The following TXNL1 variants were observed in gnomAD, a reference collection of about 807,000 sequenced individuals.
TXNL1 encodes the protein thioredoxin-like protein 1.
A neutral mutation model predicts 35.5 loss-of-function variants in TXNL1; 14 were observed. The ratio of observed to expected loss-of-function variants is 0.39; its 90% CI spans 0.26 to 0.62. The LOEUF (loss-of-function observed/expected upper bound fraction) is 0.62, where lower values mean the gene tolerates loss of function less well. TXNL1 is among the 20% of genes least tolerant of loss of function. The probability of loss-of-function intolerance (pLI) is 0.47; values close to 1 mark genes in which losing one functional copy is unlikely to be tolerated. For synonymous variants in TXNL1, 110 were observed against 115.5 expected (o/e 0.95, Z 0.31); for missense variants, 263 against 349.7 (o/e 0.75, Z 1.98).
Position 56,602,377 on chromosome 18 carries a change from A to C in TXNL1, c.*650T>G, listed in dbSNP as rs568429855. 1 of 76,464 alleles carries C rather than the reference A, an allele frequency of 1.3e-5. No individual in the cohort carries two copies. Among genetic ancestry groups the C allele is most frequent in the East Asian group, 4.0e-4 (1 of 2,520 alleles). The allele number at this position is 76,464 out of a possible 1,614,324, so 4.7% of individuals were successfully genotyped here. On this transcript the variant is annotated 3_prime_UTR_variant, in exon 8 of 8. Transcript: ENST00000217515. ...AACTGTCTGATTTCCACATTCTTCTATTAGTTAAAAAAAAAAAAAAAAAAA... is the reference window on the plus strand; with the variant it reads ...AACTGTCTGATTTCCACATTCTTCTCTTAGTTAAAAAAAAAAAAAAAAAAA...
chr18:56,613,595 C>T (rs2024032169), intron 6 of TXNL1, among the ~76,000 whole-genome samples: 1 of 152,068 alleles, frequency 6.6e-6, no homozygotes. Flanking sequence ...GGGAGGACTG[C>T]TTGAGCCCAG....
At chr18:56,603,750 G>C (rs1029738267) in intron 7 of TXNL1, among the ~76,000 whole-genome samples, 3 of 152,100 alleles carry the variant, frequency 2.0e-5, no homozygotes, top group African/African-American at 7.2e-5. Context: ...TTCTCTGCAG[G>C]AGAGTTTGAA....
At chr18:56,631,091 G>A (rs762336960) in intron 1 of TXNL1, among the ~76,000 whole-genome samples, 29 of 151,990 alleles carry the variant, frequency 1.9e-4, no homozygotes, top group South Asian at 2.1e-4. Flanking sequence ...TGTTGCCCAG[G>A]CTGGTCTCAA....
intron 1 of TXNL1, 31 bp downstream of exon 1, chr18:56,638,312 G>T: frequency 1.3e-6 from 2 of 1,586,102 alleles, no homozygotes; most frequent in East Asian, 2.3e-5. Flanking sequence ...AAGGACAGAC[G>T]GGGACCCACA....
At chr18:56,622,554 G>A (rs2024206791) in intron 3 of TXNL1, among the ~76,000 whole-genome samples, 2 of 152,082 alleles carry the variant, frequency 1.3e-5, no homozygotes, top group Admixed American at 1.3e-4. Context: ...GAAAAAAAGG[G>A]ACATTTAAAA....
intron 1 of TXNL1, 46 bp from the exon 2 acceptor site, chr18:56,626,503 T>A (rs183049357): frequency 6.7e-7 from 1 of 1,486,892 alleles, no homozygotes; most frequent in Non-Finnish European, 9.3e-7. Context: ...AAGATTGTAA[T>A]TCTAAAGCAC....
chr18:56,628,388 T>A (rs1447691601), intron 1 of TXNL1, among the ~76,000 whole-genome samples: 1 of 152,194 alleles, frequency 6.6e-6, no homozygotes, highest in African/African-American at 2.4e-5. Context: ...TTTGAAAAAG[T>A]ATTATTAGTA....
chr18:56,638,366 G>C lies in TXNL1; in HGVS notation c.75C>G (p.Ala25=), dbSNP rs1410575139. Residue 25 remains alanine, a synonymous_variant, in exon 1 of 8, where the codon GCC becomes GCG. Coordinates refer to ENST00000217515, the MANE Select transcript of TXNL1 (RefSeq NM_004786.3). ...PELSGAGSRL[A]VVKFTMRGCG... ...ACCCTCTCATGGTGAACTTGACCACGGCGAGTCTGGAGCCCGCGCCGCTCA... is the reference window on the plus strand; with the variant it reads ...ACCCTCTCATGGTGAACTTGACCACCGCGAGTCTGGAGCCCGCGCCGCTCA... 1.2e-6 allele frequency: 2 copies of C among 1,613,480 alleles called. No individual in the cohort carries two copies. The highest frequency in any genetic ancestry group is 1.7e-6 in the Non-Finnish European group (2 of 1,179,680).
At chr18:56,627,709 A>T (rs1413731682) in intron 1 of TXNL1, among the ~76,000 whole-genome samples, 2 of 152,158 alleles carry the variant, frequency 1.3e-5, no homozygotes, top group African/African-American at 4.8e-5. Flanking sequence ...AATGAATCTC[A>T]ACACACCATA....
chr18:56,624,325 G>C lies in TXNL1; in HGVS notation c.332C>G (p.Pro111Arg), dbSNP rs2024240631. 3 of 1,613,756 alleles carry C rather than the reference G, an allele frequency of 1.9e-6. No homozygotes were observed. The highest frequency in any genetic ancestry group is 2.5e-6 in the Non-Finnish European group (3 of 1,179,818). Reference sequence around the variant, plus strand: ...AATATCTGTGTCCTCATTGCTTCCAGGGTCATTTTCTAAGTGCTGCTTGAT... The same window carrying C: ...AATATCTGTGTCCTCATTGCTTCCACGGTCATTTTCTAAGTGCTGCTTGAT... ...EKIKQHLEND[P>R]GSNEDTDIPK... The change falls in exon 3 of 8, where the codon CCT becomes CGT. Residue 111 changes from proline to arginine, a missense_variant. Coordinates refer to ENST00000217515, the MANE Select transcript of TXNL1 (RefSeq NM_004786.3).
rs1466495577 is a variant in TXNL1 at position 56,602,725 on chromosome 18, C to T, written c.*302G>A. The stretch of plus-strand genomic sequence containing the variant: ...TTTTCTAAAGAAACTGGCTTTCAAT[C>T]AATATACTACCAGACACTTAAGTCT... On this transcript the variant is annotated 3_prime_UTR_variant, in exon 8 of 8. Transcript: ENST00000217515. 3 of 425,280 alleles carry T rather than the reference C, an allele frequency of 7.1e-6. No homozygotes were observed. Among genetic ancestry groups the T allele is most frequent in the African/African-American group, 6.2e-5 (3 of 48,582 alleles). 26.3% of individuals were successfully genotyped at this position (425,280 alleles called of 1,614,324 possible).
chr18:56,602,016 CT>C lies in TXNL1; in HGVS notation c.*1010del, dbSNP rs869094750. 1.8e-4 allele frequency: 26 copies of C among 140,716 alleles called. No homozygotes were observed. The highest frequency in any genetic ancestry group is 1.1e-3 in the South Asian group (5 of 4,690). The allele number at this position is 140,716 out of a possible 1,614,324, so 8.7% of individuals were successfully genotyped here. A position where few individuals can be genotyped will look rare whatever the true frequency, so the allele number is the denominator to read the frequency against. On this transcript the variant is annotated 3_prime_UTR_variant, in exon 8 of 8. Transcript: ENST00000217515. ...ATACTTGATTAAGGGTAATAATTCCCTTTTTTTTTTGGAGACGGAGTTTTGC... is the reference window on the plus strand; with the variant it reads ...ATACTTGATTAAGGGTAATAATTCCCTTTTTTTTTGGAGACGGAGTTTTGC...
chr18:56,637,417 T>C (rs529238655), intron 1 of TXNL1, among the ~76,000 whole-genome samples: 4 of 152,324 alleles, frequency 2.6e-5, no homozygotes, highest in Non-Finnish European at 4.4e-5. Flanking sequence ...CTCATACTTC[T>C]AACTAAATAC....
chr18:56,625,453 T>C (rs967718795), intron 2 of TXNL1, among the ~76,000 whole-genome samples: 2 of 152,220 alleles, frequency 1.3e-5, no homozygotes, highest in African/African-American at 4.8e-5. Flanking sequence ...CTGTATTTTA[T>C]ACTTTCCGTA....
intron 1 of TXNL1, among the ~76,000 whole-genome samples, chr18:56,638,096 G>A (rs531807762): frequency 1.5e-4 from 23 of 152,326 alleles, no homozygotes; most frequent in African/African-American, 4.6e-4. Flanking sequence ...AATTGAAAAG[G>A]AGCAGGTGAG....
intron 1 of TXNL1, among the ~76,000 whole-genome samples, chr18:56,637,415 TCTAA>T (rs1483416202): frequency 6.6e-6 from 1 of 152,130 alleles, no homozygotes; most frequent in Non-Finnish European, 1.5e-5. Flanking sequence ...CTCTCATACT[TCTAA>T]CTAAATACTA....
intron 2 of TXNL1, 115 bp from the exon 3 acceptor site, chr18:56,624,576 T>C (rs2024244862): frequency 8.2e-7 from 1 of 1,213,806 alleles, no homozygotes; most frequent in Admixed American, 2.4e-5. Context: ...ACATGTAAAA[T>C]ACTGCATTTT....
At chr18:56,611,864 T>TA (rs60670097) in intron 6 of TXNL1, among the ~76,000 whole-genome samples, 2 of 147,966 alleles carry the variant, frequency 1.4e-5, no homozygotes, top group Admixed American at 6.8e-5. Context: ...TTTTTTTTTT[T>TA]AAGAGATGGA....
intron 3 of TXNL1, among the ~76,000 whole-genome samples, chr18:56,622,922 T>G (rs935383371): frequency 6.6e-6 from 1 of 152,220 alleles, no homozygotes; most frequent in Non-Finnish European, 1.5e-5. Flanking sequence ...TAAATAGTAA[T>G]TGTACTTCCT....
Sources: gnomAD v4.1 joint callset for allele counts (sites outside exome capture counted in the v4.1 genomes callset) on GRCh38, gnomAD v4.1.1 for gene constraint, MANE v1.5 for transcripts, NCBI Gene and HGNC (gene_info 2026-07-23, HGNC 2026-07-21) for gene names.